ACIN1: variants seen among roughly 807,000 people sequenced by gnomAD.
ACIN1 encodes the protein apoptotic chromatin condensation inducer in the nucleus.
Under a neutral mutation model 146.6 loss-of-function variants are expected in ACIN1, and 16 were observed. That is an observed-to-expected ratio of 0.11 (90% CI 0.07 to 0.17). The LOEUF is 0.17. Ranked by LOEUF, ACIN1 falls within the 10% of genes least tolerant of loss-of-function variation. ACIN1 has a pLI of 1.00. For missense variants in ACIN1, 1,357 were observed against 1,609.3 expected, an observed-to-expected ratio of 0.84 and a Z score of 2.68; for synonymous variants, 569 against 582.7, an observed-to-expected ratio of 0.98 and a Z score of 0.34.
intron 18 of ACIN1, among the ~76,000 whole-genome samples, chr14:23,060,144 G>C (rs986260402): frequency 6.6e-6 from 1 of 151,358 alleles, no homozygotes; most frequent in Non-Finnish European, 1.5e-5. Context: ...TTTTAGTAGA[G>C]ATGGGGTTTC....
At chr14:23,087,353 T>C (rs550179276) in intron 4 of ACIN1, among the ~76,000 whole-genome samples, 1 of 152,252 alleles carries the variant, frequency 6.6e-6, no homozygotes, top group South Asian at 2.1e-4. Context: ...GAAAAGTTTA[T>C]GGCATAAAGG....
Position 23,068,275 on chromosome 14 carries a change from C to T in ACIN1, c.2265+1201G>A. The T allele has an allele frequency of 1.0e-6, 1 of 985,874 alleles. No individual in the cohort carries two copies. The allele number at this position is 985,874 out of a possible 1,614,324, so 61.1% of individuals were successfully genotyped here. A position where few individuals can be genotyped will look rare whatever the true frequency, so the allele number is the denominator to read the frequency against. On this transcript the variant is annotated intron_variant, in intron 9 of 18. Coordinates refer to ENST00000605057, the MANE Select transcript of ACIN1 (RefSeq NM_001386863.1). This position sits in a 1 kb window ranked among gnomAD's most constrained non-coding sequence, Gnocchi z 4.3. The stretch of plus-strand genomic sequence containing the variant: ...GTCTTGGTGCCCTAGATGGGGATCC[C>T]AACAGTCTGTAGCAAACAAGGCAAC...
At chr14:23,062,594 G>A in intron 14 of ACIN1, 71 bp from the exon 15 acceptor site, 2 of 1,409,936 alleles carry the variant, frequency 1.4e-6, no homozygotes, top group East Asian at 2.3e-5. Flanking sequence ...GATTTCCCGA[G>A]CTGCTGTCAC....
Position 23,094,968 on chromosome 14 carries a change from T to A in ACIN1, c.138+7A>T, listed in dbSNP as rs1183163034. 1 of 1,588,650 alleles carries A rather than the reference T, an allele frequency of 6.3e-7. No individual in the cohort carries two copies. Among genetic ancestry groups the A allele is most frequent in the African/African-American group, 1.3e-5 (1 of 74,702 alleles). On this transcript the variant is annotated splice_region_variant and intron_variant, in intron 1 of 18. Coordinates refer to ENST00000605057, the MANE Select transcript of ACIN1 (RefSeq NM_001386863.1). ...CCTCCGACACCCCAGCAACGCCGACTCCTCACCCCTTTGAGCCGCTTGACC... is the reference window on the plus strand; with the variant it reads ...CCTCCGACACCCCAGCAACGCCGACACCTCACCCCTTTGAGCCGCTTGACC...
intron 5 of ACIN1, among the ~76,000 whole-genome samples, chr14:23,081,029 T>C (rs2047930872): frequency 6.6e-6 from 1 of 150,570 alleles, no homozygotes; most frequent in Non-Finnish European, 1.5e-5. Flanking sequence ...TACTTGTATG[T>C]AGTTTAAATT....
chr14:23,062,188 C>G lies in ACIN1; in HGVS notation c.3079G>C (p.Asp1027His). The part of the protein sequence containing the change: ...PQSNPKFLCA[D>H]YAEQDELDYH... ...CTTACCTCATCTTGCTCGGCATAGT[C>G]AGCACAAAGGAATTTGGGATTGGAC... Residue 1027 changes from aspartate (D) to histidine (H), a missense_variant, in exon 16 of 19, where the codon GAC becomes CAC. Coordinates refer to ENST00000605057, the MANE Select transcript of ACIN1 (RefSeq NM_001386863.1). 6.2e-7 allele frequency: 1 copy of G among 1,613,990 alleles called. No individual in the cohort carries two copies.
chr14:23,072,594 A>G (rs1300435355), intron 8 of ACIN1, among the ~76,000 whole-genome samples: 1 of 152,194 alleles, frequency 6.6e-6, no homozygotes, highest in East Asian at 1.9e-4. Context: ...TTATTTGTTG[A>G]CTGCAGAGAT....
At chr14:23,091,501 G>A (rs2048225442) in intron 2 of ACIN1, among the ~76,000 whole-genome samples, 1 of 151,172 alleles carries the variant, frequency 6.6e-6, no homozygotes, top group Non-Finnish European at 1.5e-5. Context: ...GGAGGTGGTG[G>A]GTGCAGTGAA....
At chr14:23,065,299 TAAAC>T in intron 10 of ACIN1, among the ~76,000 whole-genome samples, 1 of 152,308 alleles carries the variant, frequency 6.6e-6, no homozygotes, top group African/African-American at 2.4e-5. Flanking sequence ...GAATAACGCA[TAAAC>T]AAGGTCAGGC....
intron 18 of ACIN1, 134 bp from the exon 19 acceptor site, chr14:23,059,608 G>A: frequency 1.5e-6 from 1 of 675,954 alleles, no homozygotes; most frequent in Non-Finnish European, 2.6e-6. Flanking sequence ...CTCAACAACT[G>A]CATCCTGTCT....
At chr14:23,091,764 C>G (rs2048235585) in intron 2 of ACIN1, among the ~76,000 whole-genome samples, 1 of 151,930 alleles carries the variant, frequency 6.6e-6, no homozygotes, top group Non-Finnish European at 1.5e-5. Flanking sequence ...GCTGGGATTA[C>G]AGACATGTGC....
intron 3 of ACIN1, 141 bp downstream of exon 3, chr14:23,090,381 G>A: frequency 1.2e-6 from 1 of 820,116 alleles, no homozygotes; most frequent in South Asian, 1.8e-5. Context: ...TAAACCACTT[G>A]GCTTCATGGG....
chr14:23,094,135 C>CACAAACACACACACTTAT (rs1467005513), intron 1 of ACIN1, among the ~76,000 whole-genome samples: 1 of 152,116 alleles, frequency 6.6e-6, no homozygotes, highest in African/African-American at 2.4e-5. Flanking sequence ...AACACACACA[C>CACAAACACACACACTTAT]ACAAAACTAT....
chr14:23,075,014 T>TC (rs1391501688), intron 8 of ACIN1, among the ~76,000 whole-genome samples: 1 of 152,240 alleles, frequency 6.6e-6, no homozygotes, highest in Admixed American at 6.5e-5. Flanking sequence ...TGTCCTTAGA[T>TC]AATTTCTCAG....
In ACIN1 at chr14:23,080,224, G is replaced by C; in HGVS notation, c.1111C>G (p.His371Asp). 1 of 1,614,222 alleles carries C rather than the reference G, an allele frequency of 6.2e-7. No homozygotes were observed. The highest frequency in any genetic ancestry group is 2.2e-5 in the East Asian group (1 of 44,884). Residue 371 changes from histidine to aspartate, a missense_variant, in exon 6 of 19, where the codon CAT becomes GAT. Transcript: ENST00000605057. Reference protein sequence around the residue: ...LTKEASSPPPHPQLHSEEEIE... With the variant: ...LTKEASSPPPDPQLHSEEEIE... ...TCTTCTTCGCTATGGAGCTGTGGAT[G>C]AGGTGGTGGAGAAGATGCTTCCTTT...
chr14:23,062,835 A>T, intron 14 of ACIN1, 94 bp downstream of exon 14: 2 of 1,334,408 alleles, frequency 1.5e-6, no homozygotes, highest in Non-Finnish European at 1.0e-6. Context: ...CTATTGGTAG[A>T]CCAGTTCAAC....
In ACIN1 at chr14:23,089,973, G is replaced by C. The variant is rs2048186092; in HGVS notation, c.436+9C>G. ...GACAAAACAGCGCAGTGGGGAGGGA[G>C]ATACGTACTGGGCGAATGTCTGCTG... is the stretch of plus-strand genomic sequence containing the variant. On this transcript the variant is annotated intron_variant, in intron 4 of 18. Transcript: ENST00000605057. 2 of 1,605,554 alleles carry C rather than the reference G, an allele frequency of 1.2e-6. No individual in the cohort carries two copies. Among genetic ancestry groups the C allele is most frequent in the African/African-American group, 2.7e-5 (2 of 74,902 alleles).
At chr14:23,093,664 T>C in intron 1 of ACIN1, 120 bp from the exon 2 acceptor site, 1 of 810,576 alleles carries the variant, frequency 1.2e-6, no homozygotes, top group Non-Finnish European at 2.0e-6. Flanking sequence ...TTAAACTGTA[T>C]TCCTTTTCCA....
rs2047502532 is a variant in ACIN1, at chr14:23,067,683, C to T, written c.2266-1675G>A. ...ATGGCCTGTGAGTAGCAGGAATGAT[C>T]CTTGCCTTTTATCGTGAGAGGCAGG... On this transcript the variant is annotated intron_variant, in intron 9 of 18. Transcript: ENST00000605057. This position sits in a 1 kb window ranked among gnomAD's most constrained non-coding sequence, Gnocchi z 4.6. 4.5e-5 allele frequency: 44 copies of T among 985,786 alleles called. No homozygotes were observed. Among genetic ancestry groups the T allele is most frequent in the Non-Finnish European group, 5.1e-5 (42 of 829,984 alleles). The allele number at this position is 985,786 out of a possible 1,614,324, so 61.1% of individuals were successfully genotyped here.
Sources: gnomAD v4.1 joint callset for allele counts (sites outside exome capture counted in the v4.1 genomes callset) on GRCh38, gnomAD v4.1.1 for gene constraint, Gnocchi (gnomAD v3.1) non-coding constraint, MANE v1.5 for transcripts, NCBI Gene and HGNC (gene_info 2026-07-23, HGNC 2026-07-21) for gene names.